Variants in SLC14A2 observed in about 807,000 individuals in gnomAD.
SLC14A2 encodes the protein solute carrier family 14 member 2, also known as urea transporter 2.
A neutral mutation model predicts 104.6 loss-of-function variants in SLC14A2; 91 were observed. The ratio of observed to expected loss-of-function variants is 0.87; its 90% CI spans 0.73 to 1.04. SLC14A2 has a LOEUF of 1.04. Among genes scored for constraint, SLC14A2 ranks in the 50% least tolerant of loss-of-function variants. The pLI, the probability that SLC14A2 is intolerant of heterozygous loss-of-function variation, is 0.00. For missense variants in SLC14A2, 1,189 were observed against 1,156.0 expected, an observed-to-expected ratio of 1.03 and a Z score of -0.41; for synonymous variants, 476 against 466.4, an observed-to-expected ratio of 1.02 and a Z score of -0.27.
intron 2 of SLC14A2, among the ~76,000 whole-genome samples, chr18:45,530,575 T>C (rs2043668259): frequency 2.0e-5 from 3 of 152,258 alleles, no homozygotes; most frequent in Non-Finnish European, 2.9e-5. Context: ...TTGGGAACCA[T>C]CTATGTCTAA....
chr18:45,291,737 T>TC (rs1363544102), intron 1 of SLC14A2, among the ~76,000 whole-genome samples: 1 of 145,416 alleles, frequency 6.9e-6, no homozygotes, highest in African/African-American at 2.6e-5. Flanking sequence ...CAAGAATGAA[T>TC]CCCCCCTCAG....
At chr18:45,360,722 A>T (rs551503652) in intron 1 of SLC14A2, among the ~76,000 whole-genome samples, 2 of 152,370 alleles carry the variant, frequency 1.3e-5, no homozygotes, top group South Asian at 4.1e-4. Context: ...GATTTATTAA[A>T]ATAGGCGCTC....
intron 1 of SLC14A2, among the ~76,000 whole-genome samples, chr18:45,332,133 G>A (rs1461763241): frequency 6.6e-6 from 1 of 152,162 alleles, no homozygotes; most frequent in Non-Finnish European, 1.5e-5. Flanking sequence ...ATCAACTAAT[G>A]TGGTGGATTT....
chr18:45,230,194 G>A (rs12606148), intron 1 of SLC14A2, among the ~76,000 whole-genome samples: 17,384 of 152,102 alleles, frequency 0.11, 1,001 homozygotes, highest in Non-Finnish European at 0.12. Context: ...TACTTCGTGA[G>A]GTCTGTATTA....
In SLC14A2 at chr18:45,667,074, A is replaced by T. The variant is rs2046038330; in HGVS notation, c.1697A>T (p.Glu566Val). The T allele has an allele frequency of 5.6e-6, 9 of 1,613,838 alleles. No homozygotes were observed. The highest frequency in any genetic ancestry group is 1.3e-5 in the African/African-American group (1 of 75,022). The change falls in exon 13 of 20, where the codon GAG (glutamate) becomes GTG (valine). Residue 566 changes from glutamate (E) to valine (V), a missense_variant. Coordinates refer to ENST00000255226, the MANE Select transcript of SLC14A2 (RefSeq NM_007163.4). ...ALSYITGEMK[E>V]CGEGLKDKSP... ...AGCTACATCACAGGAGAGATGAAGGAGTGTGGAGAGGGACTTAAAGGTAAA... is the reference window on the plus strand; with the variant it reads ...AGCTACATCACAGGAGAGATGAAGGTGTGTGGAGAGGGACTTAAAGGTAAA...
rs2144527321 is a variant in SLC14A2 at position 45,632,402 on chromosome 18, C to T, written c.574C>T (p.Leu192=). The change falls in exon 5 of 20, where the codon CTG becomes TTG. Residue 192 remains leucine (L), a synonymous_variant. Coordinates refer to ENST00000255226, the MANE Select transcript of SLC14A2 (RefSeq NM_007163.4). ...HGYNGMLVGL[L]MAVFSEKLDY... ...GTACAACGGGATGCTGGTGGGACTG[C>T]TGATGGCCGTGTTCTCGGAGAAGTT... is the stretch of plus-strand genomic sequence containing the variant. The T allele has an allele frequency of 1.9e-6, 3 of 1,614,118 alleles. No individual in the cohort carries two copies. In the East Asian group the frequency reaches 6.7e-5, roughly 36 times the overall value.
At chr18:45,308,780 G>C (rs1274199749) in intron 1 of SLC14A2, among the ~76,000 whole-genome samples, 1 of 152,140 alleles carries the variant, frequency 6.6e-6, no homozygotes, top group Non-Finnish European at 1.5e-5. Context: ...TTTGATTCAG[G>C]ATTTTCTTTC....
intron 2 of SLC14A2, among the ~76,000 whole-genome samples, chr18:45,552,025 C>T (rs570203053): frequency 6.6e-6 from 1 of 152,274 alleles, no homozygotes; most frequent in Non-Finnish European, 1.5e-5. Context: ...TTAACAAACC[C>T]TTCTATTTTG....
At chr18:45,566,428 A>C (rs1246496762) in intron 2 of SLC14A2, among the ~76,000 whole-genome samples, 1 of 152,132 alleles carries the variant, frequency 6.6e-6, no homozygotes, top group Non-Finnish European at 1.5e-5. Flanking sequence ...AAAACACAGG[A>C]CCATTTAAAA....
At chr18:45,521,243 T>C (rs1341324648) in intron 2 of SLC14A2, among the ~76,000 whole-genome samples, 4 of 152,226 alleles carry the variant, frequency 2.6e-5, no homozygotes, top group Non-Finnish European at 5.9e-5. Context: ...TCCTTACTGA[T>C]GGAGAGTTGT....
chr18:45,203,099 G>T, the SLC14A2 span, among the ~76,000 whole-genome samples: 2 of 152,162 alleles, frequency 1.3e-5, no homozygotes, highest in Non-Finnish European at 2.9e-5. Flanking sequence ...CATTGAAAGA[G>T]AACGGGATGC....
intron 1 of SLC14A2, among the ~76,000 whole-genome samples, chr18:45,435,965 G>C (rs1212895960): frequency 1.3e-5 from 2 of 152,106 alleles, no homozygotes; most frequent in East Asian, 3.9e-4. Context: ...ACAGGACAGG[G>C]AAGATGTGAC....
intron 1 of SLC14A2, among the ~76,000 whole-genome samples, chr18:45,624,334 T>A (rs2045224350): frequency 6.6e-6 from 1 of 152,084 alleles, no homozygotes; most frequent in Admixed American, 6.5e-5. Context: ...GCAGGCAATA[T>A]GAAAGGCAGA....
chr18:45,457,409 G>A (rs2086963504), intron 1 of SLC14A2, among the ~76,000 whole-genome samples: 1 of 152,152 alleles, frequency 6.6e-6, no homozygotes, highest in Non-Finnish European at 1.5e-5. Context: ...CTGCATATAT[G>A]TGCAGAGGGG....
intron 1 of SLC14A2, among the ~76,000 whole-genome samples, chr18:45,217,362 T>C (rs1207125430): frequency 6.6e-6 from 1 of 150,970 alleles, no homozygotes. Context: ...TAATATGTAA[T>C]ATATATATGC....
chr18:45,298,717 C>G (rs2084939852), intron 1 of SLC14A2, among the ~76,000 whole-genome samples: 2 of 152,074 alleles, frequency 1.3e-5, no homozygotes, highest in Admixed American at 1.3e-4. Flanking sequence ...AATAAAGATA[C>G]CCAATTTAAA....
chr18:45,316,632 C>T (rs1490996281), intron 1 of SLC14A2, among the ~76,000 whole-genome samples: 2 of 152,144 alleles, frequency 1.3e-5, no homozygotes, highest in Admixed American at 6.5e-5. Context: ...CAAAAATTTA[C>T]AAGTGTGAGA....
intron 1 of SLC14A2, among the ~76,000 whole-genome samples, chr18:45,347,894 T>C (rs2085465317): frequency 6.6e-6 from 1 of 152,242 alleles, no homozygotes; most frequent in Admixed American, 6.5e-5. Flanking sequence ...AGGTCTGTCT[T>C]AGGTCTTAGC....
chr18:45,639,926 G>A lies in SLC14A2; in HGVS notation c.991+33G>A, dbSNP rs781324892. ...AGAGCTCCCTCTCTTCAGGTCCTCA[G>A]GATAATTCACTCAAGGTCACTTTTC... On this transcript the variant is annotated intron_variant, in intron 7 of 19. Transcript: ENST00000255226. 6.2e-5 allele frequency: 99 copies of A among 1,596,086 alleles called. No homozygotes were observed. In the Admixed American group the frequency reaches 1.7e-3, roughly 27 times the overall value.
Sources: allele counts gnomAD v4.1 joint callset (sites outside exome capture counted in the v4.1 genomes callset), GRCh38; gene constraint gnomAD v4.1.1; transcripts MANE v1.5; gene names NCBI Gene and HGNC (gene_info 2026-07-23, HGNC 2026-07-21).